Variants in EIF5B observed in about 807,000 individuals in gnomAD.
EIF5B encodes the protein eukaryotic translation initiation factor 5B.
EIF5B carries 47 observed loss-of-function variants against 147.5 expected under a neutral mutation model. That is an observed-to-expected ratio of 0.32 (90% CI 0.25 to 0.41). The LOEUF (loss-of-function observed/expected upper bound fraction) is 0.41, where lower values mean the gene tolerates loss of function less well. EIF5B is among the 10% of genes least tolerant of loss of function. The pLI, the probability that EIF5B is intolerant of heterozygous loss-of-function variation, is 1.00. For synonymous variants in EIF5B, 455 were observed against 456.2 expected (o/e 1.00, Z 0.03); for missense variants, 1,064 against 1,413.2 (o/e 0.75, Z 3.96).
At chr2:99,368,425 T>C (rs1674373376) in intron 6 of EIF5B, 68 bp from the exon 7 acceptor site, 7 of 1,159,344 alleles carry the variant, frequency 6.0e-6, no homozygotes, top group Non-Finnish European at 9.0e-6. Context: ...AATGCTATCC[T>C]TTAAATAGTA....
chr2:99,399,021 C>T, intron 23 of EIF5B, 112 bp downstream of exon 23: 6 of 1,269,200 alleles, frequency 4.7e-6, no homozygotes, highest in Admixed American at 2.5e-5. Flanking sequence ...TCTGATGGGA[C>T]TGGATCCCCC....
At chr2:99,365,996 G>A (rs1017637045) in intron 6 of EIF5B, among the ~76,000 whole-genome samples, 1 of 152,228 alleles carries the variant, frequency 6.6e-6, no homozygotes, top group African/African-American at 2.4e-5. Context: ...CTCAGAGAGT[G>A]TAGGCATCTG....
chr2:99,387,121 T>C (rs955145572), intron 14 of EIF5B, among the ~76,000 whole-genome samples: 6 of 152,176 alleles, frequency 3.9e-5, no homozygotes, highest in African/African-American at 1.4e-4. Flanking sequence ...TTGGTCAGGC[T>C]GGTCTTGAGC....
At chr2:99,348,766 T>C (rs2094278325) in intron 1 of EIF5B, among the ~76,000 whole-genome samples, 1 of 152,222 alleles carries the variant, frequency 6.6e-6, no homozygotes, top group Non-Finnish European at 1.5e-5. Context: ...AATTTGTCCA[T>C]CAACTTGGGG....
intron 7 of EIF5B, among the ~76,000 whole-genome samples, chr2:99,369,097 A>AC (rs1360417431): frequency 6.6e-6 from 1 of 151,880 alleles, no homozygotes; most frequent in Non-Finnish European, 1.5e-5. Flanking sequence ...ACATGATGAA[A>AC]CCCTGCCTCT....
At chr2:99,350,162 G>A (rs780022216) in intron 1 of EIF5B, among the ~76,000 whole-genome samples, 2 of 152,144 alleles carry the variant, frequency 1.3e-5, no homozygotes, top group African/African-American at 4.8e-5. Flanking sequence ...ACACTGTGTA[G>A]ACGTACATTT....
At chr2:99,355,729 C>T (rs1303364103) in intron 1 of EIF5B, among the ~76,000 whole-genome samples, 1 of 151,408 alleles carries the variant, frequency 6.6e-6, no homozygotes, top group Non-Finnish European at 1.5e-5. Context: ...TCTCCTGCCC[C>T]AGTCTCCCGA....
At chr2:99,343,461 G>A (rs577686496) in intron 1 of EIF5B, among the ~76,000 whole-genome samples, 5 of 151,926 alleles carry the variant, frequency 3.3e-5, no homozygotes, top group Admixed American at 6.6e-5. Flanking sequence ...TTTTGGTGTT[G>A]TATCTGAGAT....
chr2:99,347,934 C>T (rs1276624619), intron 1 of EIF5B, among the ~76,000 whole-genome samples: 1 of 137,170 alleles, frequency 7.3e-6, no homozygotes, highest in Non-Finnish European at 1.6e-5. Context: ...AAATTTAAAA[C>T]AGGTAAAACA....
intron 8 of EIF5B, among the ~76,000 whole-genome samples, chr2:99,369,976 C>T (rs1674411566): frequency 6.6e-6 from 1 of 151,856 alleles, no homozygotes; most frequent in Admixed American, 6.6e-5. Context: ...AACAGAGCAA[C>T]AGTCCATCTC....
chr2:99,400,758 G>GAGAC lies in EIF5B; in HGVS notation c.*1346_*1349dup, dbSNP rs1388593662. On this transcript the variant is annotated 3_prime_UTR_variant, in exon 24 of 24. Coordinates refer to ENST00000289371, the MANE Select transcript of EIF5B (RefSeq NM_015904.4). ...TAACATGCTCCTGTGTTCATGCTTG[G>GAGAC]AGACAAGAATAAGATGGTTTAGAAG... 1 of 152,654 alleles carries GAGAC rather than the reference G, an allele frequency of 6.6e-6. No homozygotes were observed. The highest frequency in any genetic ancestry group is 1.5e-5 in the Non-Finnish European group (1 of 68,164). 9.5% of individuals were successfully genotyped at this position (152,654 alleles called of 1,614,324 possible).
chr2:99,338,078 CTG>C (rs1289373584), intron 1 of EIF5B, among the ~76,000 whole-genome samples: 1 of 152,202 alleles, frequency 6.6e-6, no homozygotes, highest in Non-Finnish European at 1.5e-5. Context: ...TAGCAGTTCG[CTG>C]TCTCTCAACT....
chr2:99,338,173 GTT>G (rs11326784), intron 1 of EIF5B: 21 of 476,952 alleles, frequency 4.4e-5, no homozygotes, highest in South Asian at 7.1e-5. Context: ...CTTCCGGCCT[GTT>G]TTTTTTTGTC....
chr2:99,364,099 T>C (rs1674276888), intron 5 of EIF5B, among the ~76,000 whole-genome samples, 172 bp from the exon 6 acceptor site: 2 of 152,226 alleles, frequency 1.3e-5, no homozygotes, highest in African/African-American at 4.8e-5. Context: ...TAATCTGATG[T>C]GATATTAATT....
chr2:99,346,771 C>T (rs2094274326), intron 1 of EIF5B, among the ~76,000 whole-genome samples: 1 of 151,324 alleles, frequency 6.6e-6, no homozygotes, highest in Non-Finnish European at 1.5e-5. Context: ...GGGGTTTCAT[C>T]GCGTTAGCCA....
At chr2:99,337,843 G>A (rs1322554972) in intron 1 of EIF5B, among the ~76,000 whole-genome samples, 1 of 152,244 alleles carries the variant, frequency 6.6e-6, no homozygotes, top group Non-Finnish European at 1.5e-5. Context: ...GAGCGGGGTA[G>A]TCATTTGAGG....
intron 8 of EIF5B, among the ~76,000 whole-genome samples, chr2:99,369,943 C>T (rs1218024628): frequency 6.6e-6 from 1 of 151,868 alleles, no homozygotes; most frequent in Non-Finnish European, 1.5e-5. Flanking sequence ...GCCTAGGTTG[C>T]ACCATTGCAC....
rs1361103474 is a variant in EIF5B at position 99,361,613 on chromosome 2, C to A, written c.712C>A (p.Arg238Ser). Reference sequence around the variant, plus strand: ...CCAAAAGAAGGCAGAAAAGAAGGAGCGCGAGAGAAAAAAGCGAGATGAAGA... The same window carrying A: ...CCAAAAGAAGGCAGAAAAGAAGGAGAGCGAGAGAAAAAAGCGAGATGAAGA... ...VAQKKAEKKERERKKRDEEKA... is the reference protein window; with the variant it reads ...VAQKKAEKKESERKKRDEEKA... The change falls in exon 4 of 24, where the codon CGC becomes AGC. Residue 238 changes from arginine (R) to serine (S), a missense_variant. By Grantham distance (110) the Arg-to-Ser change is moderately radical. Coordinates refer to ENST00000289371, the MANE Select transcript of EIF5B (RefSeq NM_015904.4). The A allele has an allele frequency of 1.3e-6, 2 of 1,594,088 alleles. No individual in the cohort carries two copies. Among genetic ancestry groups the A allele is most frequent in the Non-Finnish European group, 1.7e-6 (2 of 1,175,100 alleles).
intron 22 of EIF5B, 54 bp downstream of exon 22, chr2:99,396,952 T>C: frequency 6.4e-7 from 1 of 1,553,410 alleles, no homozygotes; most frequent in South Asian, 1.3e-5. Flanking sequence ...TAAATGAGTG[T>C]CCAAGAGTCG....
Sources: gnomAD v4.1 joint callset for allele counts (sites outside exome capture counted in the v4.1 genomes callset) on GRCh38, gnomAD v4.1.1 for gene constraint, MANE v1.5 for transcripts, NCBI Gene and HGNC (gene_info 2026-07-23, HGNC 2026-07-21) for gene names.